The following ZNF790 variants were observed in gnomAD, a reference collection of about 807,000 sequenced individuals.
The protein encoded by ZNF790 is zinc finger protein 790.
ZNF790 carries 8 observed loss-of-function variants against 12.1 expected under a neutral mutation model. The observed-to-expected ratio is 0.66, with a 90% confidence interval of 0.39 to 1.19. ZNF790 has a LOEUF of 1.19. Among genes scored for constraint, ZNF790 ranks in the 50% most tolerant of loss-of-function variants. The probability of loss-of-function intolerance (pLI) is 0.01; values close to 1 mark genes in which losing one functional copy is unlikely to be tolerated. For missense variants in ZNF790, 707 were observed against 752.2 expected (o/e 0.94, Z 0.70); for synonymous variants, 252 against 244.3 (o/e 1.03, Z -0.29).
upstream of ZNF790, among the ~76,000 whole-genome samples, chr19:36,840,956 G>C (rs557728829): frequency 3.3e-5 from 5 of 152,048 alleles, no homozygotes; most frequent in African/African-American, 1.2e-4. Flanking sequence ...CTCTAGCCTG[G>C]GCAACAAAGC....
intron 2 of ZNF790, among the ~76,000 whole-genome samples, 200 bp from the exon 3 acceptor site, chr19:36,823,990 C>CGCTTTT (rs1382604008): frequency 9.6e-6 from 1 of 104,466 alleles, no homozygotes; most frequent in Admixed American, 9.2e-5. Context: ...TGTCTACATG[C>CGCTTTT]TCTTTTTTTT....
chr19:36,847,641 T>G (rs1469541172), intron 1 of ZNF790, among the ~76,000 whole-genome samples: 2 of 151,808 alleles, frequency 1.3e-5, no homozygotes, highest in Admixed American at 6.6e-5. Flanking sequence ...TCCCAGCTAC[T>G]TGGGAGACTG....
Position 36,819,380 on chromosome 19 carries a change from G to A in ZNF790, c.964C>T (p.Arg322Ter), listed in dbSNP as rs147290327. 483 of 1,612,828 alleles carry A rather than the reference G, an allele frequency of 3.0e-4. 1 individual carries two copies. In the African/African-American group the frequency reaches 5.4e-3, roughly 18 times the overall value. The change falls in exon 5 of 5, where the codon CGA (arginine) becomes TGA (stop). Residue 322 changes from arginine (R) to a stop codon, truncating the protein, a stop_gained. Coordinates refer to ENST00000356725, the MANE Select transcript of ZNF790 (RefSeq NM_206894.4). LOFTEE classifies it low-confidence loss of function (END_TRUNC). ...CTCTGATGTTTAATAAGATGTGATC[G>A]CTGACTAAAGGCCTTTCTACATTCA... ...CNECRKAFSQRSHLIKHQRIH... is the reference protein window; with the variant it reads ...CNECRKAFSQ
At chr19:36,832,325 CAACACTGT>C (rs1307097106) in intron 1 of ZNF790, among the ~76,000 whole-genome samples, 1 of 152,190 alleles carries the variant, frequency 6.6e-6, no homozygotes, top group Non-Finnish European at 1.5e-5. Flanking sequence ...GTGGTATTCA[CAACACTGT>C]GTAGCTGCCT....
chr19:36,841,710 CA>C (rs2072130846), upstream of ZNF790, among the ~76,000 whole-genome samples: 1 of 151,570 alleles, frequency 6.6e-6, no homozygotes, highest in South Asian at 2.1e-4. Context: ...GGCGAAATCC[CA>C]TCTCTACTAA....
At chr19:36,845,363 C>CCATG (rs1247995723) in intron 1 of ZNF790, among the ~76,000 whole-genome samples, 1 of 151,460 alleles carries the variant, frequency 6.6e-6, no homozygotes, top group Non-Finnish European at 1.5e-5. Context: ...CTGCAGTGAG[C>CCATG]CATGATCATG....
At chr19:36,836,851 G>A (rs1600669713) in intron 1 of ZNF790, among the ~76,000 whole-genome samples, 1 of 152,188 alleles carries the variant, frequency 6.6e-6, no homozygotes, top group South Asian at 2.1e-4. Context: ...CAGCCTATGA[G>A]GAACCAGGGG....
intron 3 of ZNF790, 105 bp downstream of exon 3, chr19:36,823,562 T>C: frequency 6.8e-7 from 1 of 1,469,508 alleles, no homozygotes; most frequent in Non-Finnish European, 9.3e-7. Context: ...GCGCAAACCA[T>C]TTTCTAAAAA....
chr19:36,822,544 T>G (rs2071697015), intron 4 of ZNF790, among the ~76,000 whole-genome samples: 1 of 152,172 alleles, frequency 6.6e-6, no homozygotes, highest in Admixed American at 6.5e-5. Flanking sequence ...TTGTTTGTTT[T>G]GTTTTGTTTT....
At chr19:36,827,546 G>T in intron 1 of ZNF790, 1 of 153,474 alleles carries the variant, frequency 6.5e-6, no homozygotes, top group South Asian at 1.8e-4. Context: ...AGCACTGGAT[G>T]AACGCTTCAA....
intron 1 of ZNF790, chr19:36,827,923 T>G (rs1214593946): frequency 6.6e-6 from 1 of 152,076 alleles, no homozygotes. Flanking sequence ...GCAAAGTTGG[T>G]GTGAGAGGAT....
At chr19:36,825,034 T>C (rs1045355516) in intron 2 of ZNF790, among the ~76,000 whole-genome samples, 3 of 151,734 alleles carry the variant, frequency 2.0e-5, no homozygotes, top group African/African-American at 7.3e-5. Context: ...ATCAGATGAG[T>C]TTTTTGTCGA....
chr19:36,827,078 ATG>A (rs1344815398), intron 1 of ZNF790, among the ~76,000 whole-genome samples: 225 of 122,032 alleles, frequency 1.8e-3, no homozygotes, highest in African/African-American at 6.4e-3. Flanking sequence ...TTGTGTGTGT[ATG>A]TGTGTATATA....
intron 1 of ZNF790, among the ~76,000 whole-genome samples, chr19:36,832,140 G>C (rs891015775): frequency 2.0e-5 from 3 of 152,246 alleles, no homozygotes; most frequent in Admixed American, 2.0e-4. Context: ...GTTGACATGC[G>C]CTGTTTCAGA....
chr19:36,848,494 A>G (rs2072201162), intron 1 of ZNF790, among the ~76,000 whole-genome samples: 1 of 152,204 alleles, frequency 6.6e-6, no homozygotes, highest in African/African-American at 2.4e-5. Flanking sequence ...GCCTCACTCA[A>G]CCAAGAGCCT....
chr19:36,840,191 C>T (rs181447874), upstream of ZNF790, among the ~76,000 whole-genome samples: 2 of 152,240 alleles, frequency 1.3e-5, no homozygotes, highest in East Asian at 3.9e-4. Context: ...ATAGTAAAGG[C>T]CTTACAGAAG....
chr19:36,836,521 G>A (rs1359838999), intron 1 of ZNF790, among the ~76,000 whole-genome samples: 1 of 152,040 alleles, frequency 6.6e-6, no homozygotes, highest in Admixed American at 6.5e-5. Flanking sequence ...CAGTTTGGAA[G>A]GCCGAGGCGG....
intron 4 of ZNF790, among the ~76,000 whole-genome samples, chr19:36,822,460 GAA>G (rs939681268): frequency 6.6e-6 from 1 of 152,228 alleles, no homozygotes; most frequent in Non-Finnish European, 1.5e-5. Flanking sequence ...GGAGTGAAGA[GAA>G]AGTTCTTTGA....
chr19:36,825,712 A>G lies in ZNF790; in HGVS notation c.-73-20T>C, dbSNP rs2071782449. On this transcript the variant is annotated intron_variant, in intron 1 of 4. Transcript: ENST00000356725. ...GCAGAGCTAGAAGGAAAGAATCACA[A>G]GGTCAGGCCTTTCTCAGAGCTCTCA... 3.7e-5 allele frequency: 52 copies of G among 1,393,786 alleles called. 1 individual carries two copies. The South Asian group carries it at 5.3e-4, about 14-fold the overall frequency. The allele number at this position is 1,393,786 out of a possible 1,614,324, so 86.3% of individuals were successfully genotyped here. A position where few individuals can be genotyped will look rare whatever the true frequency, so the allele number is the denominator to read the frequency against.
Sources: gnomAD v4.1 joint callset for allele counts (sites outside exome capture counted in the v4.1 genomes callset) on GRCh38, gnomAD v4.1.1 for gene constraint, MANE v1.5 for transcripts, NCBI Gene and HGNC (gene_info 2026-07-23, HGNC 2026-07-21) for gene names.